The following LHPP variants were observed in gnomAD, a reference collection of about 807,000 sequenced individuals.
The protein encoded by LHPP is phospholysine phosphohistidine inorganic pyrophosphate phosphatase.
A neutral mutation model predicts 30.3 loss-of-function variants in LHPP; 24 were observed. The observed-to-expected ratio is 0.79, with a 90% CI of 0.57 to 1.11. LHPP has a LOEUF of 1.11. Among genes scored for constraint, LHPP ranks in the 50% most tolerant of loss-of-function variants. The pLI, the probability that LHPP is intolerant of heterozygous loss-of-function variation, is 0.00. For missense variants in LHPP, 356 were observed against 367.2 expected (o/e 0.97, Z 0.25); for synonymous variants, 150 against 157.1 (o/e 0.95, Z 0.34).
chr10:124,584,427 T>A (rs529803452), intron 6 of LHPP, among the ~76,000 whole-genome samples: 107 of 152,062 alleles, frequency 7.0e-4, no homozygotes, highest in African/African-American at 2.4e-3. Flanking sequence ...AGCTGGGAAT[T>A]CCAATATCAA....
At position 124,525,155 on chromosome 10, in the gene LHPP, C is replaced by T. The variant is rs756558544; in HGVS notation, c.716+7884C>T. On this transcript the variant is annotated intron_variant, in intron 6 of 6. Transcript: ENST00000368842. ...TCTCTGACCTTTATCCAAGTGGAAT[C>T]GCACACTGTACCGTTGAGCTGTGGC... 1.1e-4 allele frequency among the ~76,000 whole-genome samples: 17 copies of T among 152,298 alleles called. No homozygotes were observed. The South Asian group carries it at 2.3e-3, about 20-fold the overall frequency.
chr10:124,545,512 C>A (rs1248259108), intron 6 of LHPP, among the ~76,000 whole-genome samples: 1 of 152,144 alleles, frequency 6.6e-6, no homozygotes, highest in African/African-American at 2.4e-5. Context: ...GCAGTGTGGG[C>A]GAGCCTGGCA....
chr10:124,540,279 C>A (rs1297984999), intron 6 of LHPP, among the ~76,000 whole-genome samples: 1 of 152,194 alleles, frequency 6.6e-6, no homozygotes, highest in African/African-American at 2.4e-5. Context: ...AGGCACATAG[C>A]CCTGCCCTGG....
intron 6 of LHPP, among the ~76,000 whole-genome samples, chr10:124,540,865 C>A (rs1955166795): frequency 1.3e-5 from 2 of 152,164 alleles, no homozygotes. Context: ...CCAGAGGAAC[C>A]TGGGCTCACT....
intron 1 of LHPP, among the ~76,000 whole-genome samples, chr10:124,467,147 A>C (rs1161010891): frequency 6.6e-6 from 1 of 152,062 alleles, no homozygotes; most frequent in Non-Finnish European, 1.5e-5. Flanking sequence ...TTTTTAAATA[A>C]AATATTTCAA....
Position 124,530,814 on chromosome 10 carries a change from G to A in LHPP, c.716+13543G>A, listed in dbSNP as rs577250533. ...CGATGAGCATGGAGAACACCACAGCGCACAGGGCCGAGGGCCACCATCAGA... is the reference window on the plus strand; with the variant it reads ...CGATGAGCATGGAGAACACCACAGCACACAGGGCCGAGGGCCACCATCAGA... On this transcript the variant is annotated intron_variant, in intron 6 of 6. Transcript: ENST00000368842. Among the ~76,000 whole-genome samples the A allele has an allele frequency of 3.9e-4, 60 of 152,302 alleles. No individual in the cohort carries two copies. In the South Asian group the frequency reaches 0.011, roughly 28 times the overall value.
In LHPP at chr10:124,499,679, G is replaced by C. The variant is rs973702424; in HGVS notation, c.624+1551G>C. Among the ~76,000 whole-genome samples the C allele has an allele frequency of 4.3e-4, 66 of 151,814 alleles. 1 individual carries two copies. Among genetic ancestry groups the C allele is most frequent in the African/African-American group, 1.5e-3 (63 of 41,152 alleles). ...TTAAAAAAAAGAAAAAAGAAACAGA[G>C]TCCACAGCTGCCCCAGGCTGTCCTG... On this transcript the variant is annotated intron_variant, in intron 5 of 6. Coordinates refer to ENST00000368842, the MANE Select transcript of LHPP (RefSeq NM_022126.4).
At chr10:124,585,219 C>T (rs939372619) in intron 6 of LHPP, among the ~76,000 whole-genome samples, 3 of 152,174 alleles carry the variant, frequency 2.0e-5, no homozygotes, top group Non-Finnish European at 2.9e-5. Flanking sequence ...ATAAAATTTG[C>T]ACTTCCGTTG....
At chr10:124,508,760 G>T (rs1296474871) in intron 5 of LHPP, among the ~76,000 whole-genome samples, 2 of 152,154 alleles carry the variant, frequency 1.3e-5, no homozygotes, top group Non-Finnish European at 2.9e-5. Flanking sequence ...AATCATGCTT[G>T]ATCTTGCCAA....
At chr10:124,608,358 G>A (rs1188540898) in intron 6 of LHPP, among the ~76,000 whole-genome samples, 5 of 150,226 alleles carry the variant, frequency 3.3e-5, no homozygotes, top group Non-Finnish European at 3.0e-5. Context: ...CCCAGCCCAC[G>A]GTGCATTCCC....
intron 6 of LHPP, among the ~76,000 whole-genome samples, chr10:124,585,623 A>G (rs1001733706): frequency 2.0e-5 from 3 of 151,916 alleles, no homozygotes; most frequent in Non-Finnish European, 4.4e-5. Flanking sequence ...TCTAAAAAAA[A>G]AAAAGAAAAA....
At chr10:124,534,494 G>C (rs554200828) in intron 6 of LHPP, among the ~76,000 whole-genome samples, 1 of 152,342 alleles carries the variant, frequency 6.6e-6, no homozygotes, top group South Asian at 2.1e-4. Flanking sequence ...GGAAAGGCCT[G>C]GGCTTTGGGG....
intron 1 of LHPP, among the ~76,000 whole-genome samples, chr10:124,475,080 T>G (rs1952901034): frequency 1.6e-5 from 2 of 123,678 alleles, no homozygotes; most frequent in Admixed American, 2.2e-4. Context: ...TGGAGTGCAG[T>G]GGTGCCATCT....
At chr10:124,566,323 C>T (rs888411329) in intron 6 of LHPP, among the ~76,000 whole-genome samples, 6 of 152,194 alleles carry the variant, frequency 3.9e-5, no homozygotes, top group Non-Finnish European at 5.9e-5. Flanking sequence ...CCCTGGGGGA[C>T]ACACTCTGCT....
At chr10:124,579,683 C>T (rs1352780228) in intron 6 of LHPP, among the ~76,000 whole-genome samples, 2 of 152,150 alleles carry the variant, frequency 1.3e-5, no homozygotes, top group Non-Finnish European at 2.9e-5. Context: ...TACATATTTC[C>T]AGGTCTGCTC....
intron 6 of LHPP, among the ~76,000 whole-genome samples, chr10:124,542,239 C>T (rs573631733): frequency 4.7e-4 from 72 of 152,304 alleles, no homozygotes; most frequent in African/African-American, 1.7e-3. Context: ...TTGCACAGAT[C>T]GGACTGTGAC....
chr10:124,559,609 A>G (rs1433318256), intron 6 of LHPP, among the ~76,000 whole-genome samples: 1 of 152,254 alleles, frequency 6.6e-6, no homozygotes, highest in Non-Finnish European at 1.5e-5. Flanking sequence ...GGATGCTGCA[A>G]CACTTGGAAA....
intron 1 of LHPP, among the ~76,000 whole-genome samples, chr10:124,472,008 G>GT (rs1179317386): frequency 6.6e-6 from 1 of 151,574 alleles, no homozygotes; most frequent in Non-Finnish European, 1.5e-5. Context: ...TGATGGAAGT[G>GT]TTTTTATGAA....
At position 124,484,297 on chromosome 10, in the gene LHPP, G is replaced by A. The variant is rs532967319; in HGVS notation, c.284G>A (p.Gly95Asp). ...GCCTGCCAGATCCTGAAGGAGCAAG[G>A]CCTGCGACCATACCTGCTCATCCAT... ...PAACQILKEQ[G>D]LRPYLLIHDG... The change falls in exon 2 of 7, where the codon GGC becomes GAC. Residue 95 changes from glycine to aspartate, a missense_variant. Physicochemically the swap from Gly to Asp is moderately conservative, Grantham distance 94 (BLOSUM62 -1). Coordinates refer to ENST00000368842, the MANE Select transcript of LHPP (RefSeq NM_022126.4). 9.3e-6 allele frequency: 15 copies of A among 1,613,856 alleles called. No homozygotes were observed. Among genetic ancestry groups the A allele is most frequent in the African/African-American group, 8.0e-5 (6 of 75,042 alleles).
Sources: allele counts gnomAD v4.1 joint callset (sites outside exome capture counted in the v4.1 genomes callset), GRCh38; gene constraint gnomAD v4.1.1; transcripts MANE v1.5; gene names NCBI Gene and HGNC (gene_info 2026-07-23, HGNC 2026-07-21).